Variants in CACNA1I observed in about 807,000 individuals in gnomAD.
CACNA1I encodes calcium voltage-gated channel subunit alpha1 I, also known as voltage-dependent T-type calcium channel subunit alpha-1I.
In CACNA1I, 74 loss-of-function variants were observed where a neutral mutation model predicts 201.6. The ratio of observed to expected loss-of-function variants is 0.37; its 90% CI spans 0.30 to 0.45. CACNA1I has a LOEUF of 0.45. Among genes scored for constraint, CACNA1I ranks in the 20% least tolerant of loss-of-function variants. The probability of loss-of-function intolerance (pLI) is 1.00; values close to 1 mark genes in which losing one functional copy is unlikely to be tolerated. For missense variants in CACNA1I, 2,346 were observed against 3,138.1 expected, an observed-to-expected ratio of 0.75 and a Z score of 6.03; for synonymous variants, 1,431 against 1,345.2, an observed-to-expected ratio of 1.06 and a Z score of -1.40.
chr22:39,682,572 T>C lies in CACNA1I; in HGVS notation c.5741T>C (p.Val1914Ala). ...TTCTTCCCCTTGTCCTCTACGGCCG[T>C]CTCGCCGGATCCAGAGAACTTCCTG... is the stretch of plus-strand genomic sequence containing the variant. ...ECFFPLSSTA[V>A]SPDPENFLCE... The change falls in exon 35 of 37, where the codon GTC (valine) becomes GCC (alanine). Residue 1914 changes from valine to alanine, a missense_variant. By Grantham distance (64) the Val-to-Ala change is moderately conservative (BLOSUM62 0). This residue lies in a region of CACNA1I where 441 missense variants were observed against 555.6 expected (regional missense o/e 0.79). Coordinates refer to ENST00000402142, the MANE Select transcript of CACNA1I (RefSeq NM_021096.4). 1.2e-6 allele frequency: 2 copies of C among 1,613,576 alleles called. No individual in the cohort carries two copies. The highest frequency in any genetic ancestry group is 1.7e-6 in the Non-Finnish European group (2 of 1,179,802).
In CACNA1I at chr22:39,662,017, C is replaced by G. The variant is rs1935028042; in HGVS notation, c.2954C>G (p.Ala985Gly). 2.6e-6 allele frequency: 4 copies of G among 1,565,962 alleles called. No homozygotes were observed. The South Asian group carries it at 4.7e-5, about 18-fold the overall frequency. ...YGPWGRSAAW[A>G]SRRSSWNSLK... Reference sequence around the variant, plus strand: ...CCATGGGGCCGCAGCGCGGCCTGGGCCAGCCGTCGCTCCAGCTGGAACAGC... The same window carrying G: ...CCATGGGGCCGCAGCGCGGCCTGGGGCAGCCGTCGCTCCAGCTGGAACAGC... The change falls in exon 17 of 37, where the codon GCC becomes GGC. Residue 985 changes from alanine to glycine, a missense_variant. Physicochemically the swap from Ala to Gly is moderately conservative, Grantham distance 60. Coordinates refer to ENST00000402142, the MANE Select transcript of CACNA1I (RefSeq NM_021096.4).
intron 10 of CACNA1I, among the ~76,000 whole-genome samples, chr22:39,650,204 G>T (rs1934607837): frequency 6.6e-6 from 1 of 151,866 alleles, no homozygotes; most frequent in Non-Finnish European, 1.5e-5. Flanking sequence ...CTCCTAAGCT[G>T]CTCAGCCTGG....
intron 4 of CACNA1I, among the ~76,000 whole-genome samples, chr22:39,620,508 T>G (rs1410125920): frequency 6.6e-6 from 1 of 152,214 alleles, no homozygotes; most frequent in African/African-American, 2.4e-5. Flanking sequence ...ATGACCTGTT[T>G]TGAGCCTTAC....
intron 20 of CACNA1I, among the ~76,000 whole-genome samples, chr22:39,664,422 G>C (rs1935118019): frequency 6.6e-6 from 1 of 152,116 alleles, no homozygotes; most frequent in African/African-American, 2.4e-5. Context: ...ACCTGCTAGA[G>C]GTGTGGGGCG....
chr22:39,683,924 C>T (rs1032564857), intron 35 of CACNA1I, among the ~76,000 whole-genome samples: 42 of 152,222 alleles, frequency 2.8e-4, no homozygotes, highest in Admixed American at 3.3e-4. Context: ...TCCTAGTGAG[C>T]ACCTACTATG....
At chr22:39,594,842 A>C (rs1197205897) in intron 1 of CACNA1I, among the ~76,000 whole-genome samples, 4 of 152,104 alleles carry the variant, frequency 2.6e-5, no homozygotes, top group Non-Finnish European at 5.9e-5. Flanking sequence ...CCTTACCCAC[A>C]AGGGACACAT....
In CACNA1I at chr22:39,684,369, C is replaced by T. The variant is rs748698263; in HGVS notation, c.5898C>T (p.His1966=). Residue 1966 remains histidine, a synonymous_variant, in exon 36 of 37, where the codon CAC becomes CAT. Coordinates refer to ENST00000402142, the MANE Select transcript of CACNA1I (RefSeq NM_021096.4). The surrounding 1 kb of genome is among the most constrained non-coding windows in gnomAD (Gnocchi z 4.6). ...TGCCCATGCCAGCCGAGTTCTTCCA[C>T]CCTGCAGTGTCTGCCAGCCAGAAAG... ...PLLPMPAEFF[H]PAVSASQKGP... is the part of the protein sequence containing the mutation. The T allele has an allele frequency of 1.2e-6, 2 of 1,613,604 alleles. No homozygotes were observed. The highest frequency in any genetic ancestry group is 2.2e-5 in the South Asian group (2 of 90,998).
intron 4 of CACNA1I, among the ~76,000 whole-genome samples, chr22:39,623,946 A>G (rs2146399126): frequency 9.0e-6 from 1 of 111,106 alleles, no homozygotes; most frequent in South Asian, 3.0e-4. Context: ...TGTGCCTGTG[A>G]GGGTGTGTGT....
At chr22:39,604,608 C>A (rs1275498953) in intron 3 of CACNA1I, among the ~76,000 whole-genome samples, 2 of 152,102 alleles carry the variant, frequency 1.3e-5, no homozygotes, top group African/African-American at 4.8e-5. Flanking sequence ...GAGGCAGTTT[C>A]ATTCTGTCAC....
At chr22:39,595,478 A>G (rs181865730) in intron 1 of CACNA1I, among the ~76,000 whole-genome samples, 1 of 152,064 alleles carries the variant, frequency 6.6e-6, no homozygotes, top group East Asian at 1.9e-4. Flanking sequence ...ACAAAAAATT[A>G]GCCGGGCATA....
chr22:39,646,049 C>A (rs11705208), intron 7 of CACNA1I, among the ~76,000 whole-genome samples: 1 of 152,110 alleles, frequency 6.6e-6, no homozygotes, highest in Admixed American at 6.5e-5. Context: ...ATGTCCCAGG[C>A]GGATGGGGGC....
At chr22:39,658,841 T>G in intron 11 of CACNA1I, 90 bp from the exon 12 acceptor site, 4 of 1,101,360 alleles carry the variant, frequency 3.6e-6, no homozygotes, top group Non-Finnish European at 5.2e-6. Context: ...TCTGTCTCTC[T>G]GTTTTCCCTT....
intron 3 of CACNA1I, among the ~76,000 whole-genome samples, chr22:39,607,101 G>A (rs1933241854): frequency 6.6e-6 from 1 of 152,322 alleles, no homozygotes; most frequent in Admixed American, 6.5e-5. Flanking sequence ...GGGGTGGAGG[G>A]TGAGGCTACT....
At chr22:39,679,071 T>G in intron 31 of CACNA1I, 36 bp from the exon 32 acceptor site, 1 of 1,503,594 alleles carries the variant, frequency 6.7e-7, no homozygotes, top group Non-Finnish European at 9.0e-7. Context: ...CTGGGATGTC[T>G]CCGTCCTCAT....
At position 39,662,400 on chromosome 22, in the gene CACNA1I, G is replaced by C; in HGVS notation, c.3337G>C (p.Gly1113Arg). The C allele has an allele frequency of 3.4e-6, 5 of 1,463,738 alleles. No homozygotes were observed. Among genetic ancestry groups the C allele is most frequent in the Non-Finnish European group, 4.5e-6 (5 of 1,117,202 alleles). The allele number at this position is 1,463,738 out of a possible 1,614,324, so 90.7% of individuals were successfully genotyped here. ...CGTCTTCACCAAGATGGGCGACCGC[G>C]GGGATCGCGGGGAGGATGAGGAGGA... The part of the protein sequence containing the change: ...KDVFTKMGDR[G>R]DRGEDEEEID... The change falls in exon 17 of 37, where the codon GGG becomes CGG. Residue 1113 changes from glycine to arginine, a missense_variant. Physicochemically the swap from Gly to Arg is moderately radical, Grantham distance 125. Around this residue, in one of 13 missense-constraint regions of CACNA1I, gnomAD observed 288 missense variants for 255.2 expected, o/e 1.13. Transcript: ENST00000402142.
chr22:39,593,533 T>G (rs1932846631), intron 1 of CACNA1I, among the ~76,000 whole-genome samples: 1 of 152,010 alleles, frequency 6.6e-6, no homozygotes. Flanking sequence ...AAAGGGAAAG[T>G]GTAGGCAGAA....
intron 1 of CACNA1I, 52 bp from the exon 2 acceptor site, chr22:39,598,099 C>T (rs1037764908): frequency 1.2e-5 from 13 of 1,111,406 alleles, no homozygotes; most frequent in Admixed American, 7.9e-5. Context: ...GGGTGCACCC[C>T]AGCCCCCACG....
At chr22:39,617,748 C>A (rs1484479307) in intron 3 of CACNA1I, among the ~76,000 whole-genome samples, 1 of 151,472 alleles carries the variant, frequency 6.6e-6, no homozygotes, top group Non-Finnish European at 1.5e-5. Context: ...ACCCTCTCTG[C>A]CTAGCTGCTG....
intron 5 of CACNA1I, among the ~76,000 whole-genome samples, chr22:39,636,982 A>T (rs1386015582): frequency 6.6e-6 from 1 of 152,150 alleles, no homozygotes; most frequent in Non-Finnish European, 1.5e-5. Flanking sequence ...TGAGGCCTAG[A>T]TGGGAAGGGA....
Sources: allele counts gnomAD v4.1 joint callset (sites outside exome capture counted in the v4.1 genomes callset), GRCh38; gene constraint gnomAD v4.1.1; regional missense constraint gnomAD v4.1.1; non-coding constraint Gnocchi (gnomAD v3.1); transcripts MANE v1.5; gene names NCBI Gene and HGNC (gene_info 2026-07-23, HGNC 2026-07-21).